The following JMJD1C variants were observed in gnomAD, a reference collection of about 807,000 sequenced individuals.
JMJD1C encodes the protein jumonji domain containing 1C, also known as jumonji domain-containing protein 1C.
A neutral mutation model predicts 245.3 loss-of-function variants in JMJD1C; 31 were observed. That is an observed-to-expected ratio of 0.13 (90% CI 0.09 to 0.17). The LOEUF is 0.17. Among genes scored for constraint, JMJD1C ranks in the 10% least tolerant of loss-of-function variants. The pLI is 1.00. For synonymous variants in JMJD1C, 1,057 were observed against 1,017.4 expected (o/e 1.04, Z -0.74); for missense variants, 2,691 against 3,000.2 (o/e 0.90, Z 2.41).
chr10:63,445,569 A>T (rs1951664896), intron 1 of JMJD1C, among the ~76,000 whole-genome samples: 1 of 152,238 alleles, frequency 6.6e-6, no homozygotes, highest in Non-Finnish European at 1.5e-5. Context: ...GATATCATGT[A>T]GAGTCTCTCA....
intron 21 of JMJD1C, 147 bp downstream of exon 21, chr10:63,184,461 C>G: frequency 4.7e-6 from 3 of 633,478 alleles, no homozygotes; most frequent in South Asian, 4.9e-5. Context: ...CCAGGATGGT[C>G]TCAATCTCCT....
intron 1 of JMJD1C, among the ~76,000 whole-genome samples, chr10:63,402,349 C>T (rs1489043278): frequency 2.0e-5 from 3 of 152,062 alleles, no homozygotes; most frequent in African/African-American, 7.2e-5. Context: ...ATAAACTTTC[C>T]ACTTTCCCTT....
At chr10:63,237,867 T>C (rs1359003378) in intron 3 of JMJD1C, among the ~76,000 whole-genome samples, 1 of 151,354 alleles carries the variant, frequency 6.6e-6, no homozygotes, top group Non-Finnish European at 1.5e-5. Flanking sequence ...ATGTGTTAAA[T>C]TACACAAAAA....
chr10:63,395,148 G>A (rs117510627), intron 1 of JMJD1C, among the ~76,000 whole-genome samples: 206 of 152,048 alleles, frequency 1.4e-3, no homozygotes, highest in Admixed American at 7.3e-3. Flanking sequence ...TACAAATAAA[G>A]ACCACAATGA....
chr10:63,519,822 T>G (rs994520883), intron 1 of JMJD1C, among the ~76,000 whole-genome samples: 8 of 151,918 alleles, frequency 5.3e-5, no homozygotes, highest in Middle Eastern at 6.8e-3. Flanking sequence ...GAGTTGGGGG[T>G]GAAAGTAGTA....
intron 3 of JMJD1C, among the ~76,000 whole-genome samples, chr10:63,228,258 A>G (rs1416946614): frequency 6.6e-6 from 1 of 152,254 alleles, no homozygotes; most frequent in Non-Finnish European, 1.5e-5. Flanking sequence ...GCTATGTTCC[A>G]ATAAATGTTT....
chr10:63,240,405 A>G (rs778608530), intron 3 of JMJD1C, among the ~76,000 whole-genome samples: 1 of 152,224 alleles, frequency 6.6e-6, no homozygotes, highest in Non-Finnish European at 1.5e-5. Context: ...AAGAATTTCC[A>G]AAAGGACAGT....
chr10:63,271,451 TA>T (rs1856287250), intron 2 of JMJD1C, among the ~76,000 whole-genome samples: 1 of 152,166 alleles, frequency 6.6e-6, no homozygotes, highest in African/African-American at 2.4e-5. Context: ...GTGCTGGGAT[TA>T]CAGGCGTGAG....
intron 2 of JMJD1C, among the ~76,000 whole-genome samples, chr10:63,289,598 T>C (rs938624936): frequency 6.6e-6 from 1 of 152,226 alleles, no homozygotes; most frequent in African/African-American, 2.4e-5. Context: ...ATTGTTTGCA[T>C]GTAGTTTAAA....
rs41305006 is a variant in JMJD1C, at chr10:63,178,127, C to T, written c.7085-271G>A. On this transcript the variant is annotated intron_variant, in intron 22 of 25. Transcript: ENST00000399262. ...GACTAATTGTTTGTATTTTAGTAGC[C>T]GTGGGGTTTCACCATGTTGCCCAGG... Among the ~76,000 whole-genome samples, 616 of 152,106 alleles carry T rather than the reference C, an allele frequency of 4.0e-3. 7 individuals are homozygous for T. Among genetic ancestry groups the T allele is most frequent in the African/African-American group, 0.012 (501 of 41,496 alleles).
chr10:63,270,738 G>A (rs985084622), intron 2 of JMJD1C, among the ~76,000 whole-genome samples: 12 of 152,098 alleles, frequency 7.9e-5, no homozygotes, highest in Non-Finnish European at 1.3e-4. Context: ...AAAGTGCTGG[G>A]ATTTCAGGCA....
chr10:63,369,621 C>A (rs1236786716), intron 2 of JMJD1C, among the ~76,000 whole-genome samples: 1 of 152,192 alleles, frequency 6.6e-6, no homozygotes, highest in Non-Finnish European at 1.5e-5. Context: ...TGGCTCCTCC[C>A]AATATTAGGC....
rs767565217 is a variant in JMJD1C, at chr10:63,207,762, C to T, written c.3907G>A (p.Ala1303Thr). 1.9e-6 allele frequency: 3 copies of T among 1,614,048 alleles called. No homozygotes were observed. The highest frequency in any genetic ancestry group is 2.7e-5 in the African/African-American group (2 of 74,936). ...KSSGKLQAAM[A>T]SVIVRPSSST... ...GAAGATGGACGCACAATGACAGATG[C>T]CATAGCAGCCTGTAACTTTCCGCTG... Residue 1303 changes from alanine to threonine, a missense_variant, in exon 10 of 26, where the codon GCA becomes ACA. Coordinates refer to ENST00000399262, the MANE Select transcript of JMJD1C (RefSeq NM_032776.3).
chr10:63,384,059 T>C (rs1589636788), intron 1 of JMJD1C, among the ~76,000 whole-genome samples: 3 of 152,182 alleles, frequency 2.0e-5, no homozygotes, highest in Admixed American at 6.5e-5. Context: ...AACGGTTAAG[T>C]AGTATTCAGT....
In JMJD1C at chr10:63,444,619, C is replaced by T. The variant is rs1427291226; in HGVS notation, c.168+20876G>A. On this transcript the variant is annotated intron_variant, in intron 1 of 25. Transcript: ENST00000399262. ...TAAACAAACAATTACTGAATACCTACTATCTTTTTTTTTTTTTTTTTTGGA... is the reference window on the plus strand; with the variant it reads ...TAAACAAACAATTACTGAATACCTATTATCTTTTTTTTTTTTTTTTTTGGA... 4.7e-5 allele frequency among the ~76,000 whole-genome samples: 7 copies of T among 149,808 alleles called. No homozygotes were observed. In the East Asian group the frequency reaches 1.2e-3, roughly 25 times the overall value.
intron 2 of JMJD1C, among the ~76,000 whole-genome samples, chr10:63,288,358 G>A (rs1381430941): frequency 6.6e-6 from 1 of 152,134 alleles, no homozygotes; most frequent in Non-Finnish European, 1.5e-5. Flanking sequence ...ATATTTCAAT[G>A]TCTGAATGTA....
At position 63,198,514 on chromosome 10, in the gene JMJD1C, A is replaced by G; in HGVS notation, c.5490T>C (p.Asp1830=). Residue 1830 remains aspartate (D), a splice_region_variant and synonymous_variant, in exon 12 of 26, where the codon GAT becomes GAC. Transcript: ENST00000399262. ...TCATGTTATATTTAACTTCCTTACC[A>G]TCCTTTTTCACCCAGGACAAAGCTG... is the stretch of plus-strand genomic sequence containing the variant. ...EKTALSWVKK[D]AKIAWKRAVR... The G allele has an allele frequency of 6.4e-7, 1 of 1,566,780 alleles. No homozygotes were observed. The highest frequency in any genetic ancestry group is 8.7e-7 in the Non-Finnish European group (1 of 1,149,456).
At chr10:63,343,175 A>C (rs1943523418) in intron 2 of JMJD1C, among the ~76,000 whole-genome samples, 1 of 152,150 alleles carries the variant, frequency 6.6e-6, no homozygotes, top group South Asian at 2.1e-4. Flanking sequence ...CAGCCTGGAC[A>C]ACATGGCGAA....
intron 2 of JMJD1C, among the ~76,000 whole-genome samples, chr10:63,280,469 G>T (rs1276629982): frequency 1.3e-5 from 2 of 152,064 alleles, no homozygotes; most frequent in Non-Finnish European, 2.9e-5. Flanking sequence ...AGAATAGCTT[G>T]AACCCAGGAA....
Sources: allele counts gnomAD v4.1 joint callset (sites outside exome capture counted in the v4.1 genomes callset), GRCh38; gene constraint gnomAD v4.1.1; transcripts MANE v1.5; gene names NCBI Gene and HGNC (gene_info 2026-07-23, HGNC 2026-07-21).